PDE4D: variants seen among roughly 807,000 people sequenced by gnomAD.
PDE4D encodes phosphodiesterase 4D.
In PDE4D, 24 loss-of-function variants were observed where a neutral mutation model predicts 87.4. The ratio of observed to expected loss-of-function variants is 0.27; its 90% CI spans 0.20 to 0.39. PDE4D has a LOEUF of 0.39. Among genes scored for constraint, PDE4D ranks in the 10% least tolerant of loss-of-function variants. The pLI is 1.00. For synonymous variants in PDE4D, 384 were observed against 383.2 expected (o/e 1.00, Z -0.02); for missense variants, 714 against 1,041.0 (o/e 0.69, Z 4.32).
intron 1 of PDE4D, among the ~76,000 whole-genome samples, chr5:59,719,798 T>C (rs1755564728): frequency 6.6e-6 from 1 of 152,244 alleles, no homozygotes; most frequent in African/African-American, 2.4e-5. Context: ...TTAGAGATCA[T>C]CTGATCCAAC....
intron 5 of PDE4D, among the ~76,000 whole-genome samples, chr5:59,085,118 C>A (rs1459115552): frequency 1.3e-5 from 2 of 152,048 alleles, no homozygotes; most frequent in Non-Finnish European, 1.5e-5. Context: ...CAAAGATATT[C>A]ATCACAATAG....
chr5:59,517,880 C>G (rs1385109552), intron 1 of PDE4D, among the ~76,000 whole-genome samples: 4 of 152,070 alleles, frequency 2.6e-5, no homozygotes, highest in Non-Finnish European at 5.9e-5. Flanking sequence ...TATTTTACAC[C>G]TTTAAAGTTT....
chr5:59,542,538 T>G (rs1816535127), intron 1 of PDE4D, among the ~76,000 whole-genome samples: 1 of 152,206 alleles, frequency 6.6e-6, no homozygotes, highest in Non-Finnish European at 1.5e-5. Context: ...AGTTCCACAA[T>G]TGTTAACATA....
intron 1 of PDE4D, among the ~76,000 whole-genome samples, chr5:60,373,780 T>C (rs1477471994): frequency 1.3e-5 from 2 of 152,220 alleles, no homozygotes; most frequent in African/African-American, 4.8e-5. Context: ...TCCTGCTTTT[T>C]CTGGCTTCCA....
At chr5:59,762,930 GGA>G (rs1452832319) in intron 1 of PDE4D, among the ~76,000 whole-genome samples, 1 of 125,030 alleles carries the variant, frequency 8.0e-6, no homozygotes, top group Non-Finnish European at 1.7e-5. Context: ...GGCATATTAT[GGA>G]GATATATATA....
chr5:59,687,659 A>G (rs1439039042), intron 1 of PDE4D, among the ~76,000 whole-genome samples: 1 of 152,236 alleles, frequency 6.6e-6, no homozygotes, highest in African/African-American at 2.4e-5. Flanking sequence ...GACTGCATCA[A>G]CTAATGAGCA....
intron 1 of PDE4D, among the ~76,000 whole-genome samples, chr5:59,364,402 C>T (rs375680259): frequency 3.0e-4 from 46 of 152,240 alleles, no homozygotes; most frequent in African/African-American, 9.6e-5. Context: ...ATTAAACTTA[C>T]TACCTTAAAA....
intron 1 of PDE4D, among the ~76,000 whole-genome samples, chr5:60,362,738 A>G (rs1017027965): frequency 6.6e-6 from 1 of 152,074 alleles, no homozygotes; most frequent in African/African-American, 2.4e-5. Context: ...AGGCATTTGT[A>G]GTCCCAGCTA....
chr5:59,504,499 A>G (rs1031322239), intron 1 of PDE4D, among the ~76,000 whole-genome samples: 5 of 152,168 alleles, frequency 3.3e-5, no homozygotes, highest in African/African-American at 1.2e-4. Flanking sequence ...TCTCATTCCT[A>G]GGAAACATCA....
chr5:59,308,326 A>G (rs1159284415), intron 1 of PDE4D, among the ~76,000 whole-genome samples: 1 of 151,810 alleles, frequency 6.6e-6, no homozygotes, highest in Non-Finnish European at 1.5e-5. Context: ...AAAGTATAAT[A>G]ATAATAATTT....
At chr5:59,636,573 A>T (rs560971256) in intron 1 of PDE4D, among the ~76,000 whole-genome samples, 2 of 152,324 alleles carry the variant, frequency 1.3e-5, no homozygotes, top group East Asian at 3.9e-4. Context: ...CCAATGGAAC[A>T]GAACAGAGGC....
At chr5:59,505,307 T>G (rs1809053779) in intron 1 of PDE4D, among the ~76,000 whole-genome samples, 1 of 152,150 alleles carries the variant, frequency 6.6e-6, no homozygotes, top group African/African-American at 2.4e-5. Context: ...TCAACAGTCT[T>G]TCTAGAATTT....
chr5:60,468,149 T>TTTTTTTG, intron 1 of PDE4D, among the ~76,000 whole-genome samples: 1 of 149,870 alleles, frequency 6.7e-6, no homozygotes, highest in Non-Finnish European at 1.5e-5. Context: ...TTTTTTTTTG[T>TTTTTTTG]TTTTTTTGAG....
At chr5:59,660,160 G>A (rs1312598499) in intron 1 of PDE4D, among the ~76,000 whole-genome samples, 1 of 152,004 alleles carries the variant, frequency 6.6e-6, no homozygotes, top group Non-Finnish European at 1.5e-5. Flanking sequence ...CTGCACTCCA[G>A]CCTGGGCAAC....
At chr5:60,507,972 C>T (rs1341716646) in intron 1 of PDE4D, among the ~76,000 whole-genome samples, 5 of 152,174 alleles carry the variant, frequency 3.3e-5, no homozygotes, top group Admixed American at 6.5e-5. Context: ...CTAGTTCGAG[C>T]GCATAGAGCC....
chr5:59,643,252 G>A (rs189335978), intron 1 of PDE4D, among the ~76,000 whole-genome samples: 209 of 152,254 alleles, frequency 1.4e-3, no homozygotes, highest in African/African-American at 4.9e-3. Flanking sequence ...TCCCTAAGTT[G>A]AGGAGATGGA....
chr5:59,564,138 A>C (rs1255270480), intron 1 of PDE4D, among the ~76,000 whole-genome samples: 2 of 152,214 alleles, frequency 1.3e-5, no homozygotes, highest in Non-Finnish European at 2.9e-5. Context: ...TCCTATCTGC[A>C]GGGATAGAAA....
At chr5:59,607,691 T>C (rs1828402957) in intron 1 of PDE4D, among the ~76,000 whole-genome samples, 1 of 151,870 alleles carries the variant, frequency 6.6e-6, no homozygotes, top group African/African-American at 2.4e-5. Context: ...TTGCATATAG[T>C]GAGCATACTA....
intron 5 of PDE4D, among the ~76,000 whole-genome samples, chr5:59,175,871 C>A (rs1783804143): frequency 6.7e-6 from 1 of 150,182 alleles, no homozygotes; most frequent in Non-Finnish European, 1.5e-5. Context: ...CTCAAGCAGT[C>A]CTCCCACCTT....
Sources: gnomAD v4.1 joint callset for allele counts (sites outside exome capture counted in the v4.1 genomes callset) on GRCh38, gnomAD v4.1.1 for gene constraint, MANE v1.5 for transcripts, NCBI Gene and HGNC (gene_info 2026-07-23, HGNC 2026-07-21) for gene names.